Variants in CNTN5 observed in about 807,000 individuals in gnomAD.
CNTN5 encodes contactin 5.
CNTN5 carries 77 observed loss-of-function variants against 129.1 expected under a neutral mutation model. The ratio of observed to expected loss-of-function variants is 0.60; its 90% confidence interval spans 0.50 to 0.72. The LOEUF is 0.72. Ranked by LOEUF, CNTN5 falls within the 30% of genes least tolerant of loss-of-function variation. CNTN5 has a pLI of 0.00. For missense variants in CNTN5, 1,478 were observed against 1,328.8 expected, an observed-to-expected ratio of 1.11 and a Z score of -1.75; for synonymous variants, 509 against 465.6, an observed-to-expected ratio of 1.09 and a Z score of -1.20.
chr11:99,040,674 C>T (rs926219445), intron 1 of CNTN5, among the ~76,000 whole-genome samples: 1 of 152,124 alleles, frequency 6.6e-6, no homozygotes, highest in Non-Finnish European at 1.5e-5. Flanking sequence ...GGCAAGCTGA[C>T]ATCTGATGAC....
rs116371967 is a variant in CNTN5, at chr11:99,495,646, C to T, written c.-70-60499C>T. ...ATCATGCGATGAAGATTGCATTCTT[C>T]CCTGAATGTAATGAAGGCTTTCTGG... On this transcript the variant is annotated intron_variant, in intron 2 of 24. Transcript: ENST00000524871. Among the ~76,000 whole-genome samples, 506 of 152,248 alleles carry T rather than the reference C, an allele frequency of 3.3e-3. 7 individuals are homozygous for T. The highest frequency in any genetic ancestry group is 0.012 in the African/African-American group (487 of 41,544).
intron 2 of CNTN5, among the ~76,000 whole-genome samples, chr11:99,415,505 C>A (rs956291446): frequency 1.3e-5 from 2 of 151,994 alleles, no homozygotes; most frequent in Admixed American, 1.3e-4. Flanking sequence ...TTATTTATGG[C>A]CAGCTGTTAT....
At position 99,073,914 on chromosome 11, in the gene CNTN5, T is replaced by C. The variant is rs180879897; in HGVS notation, c.-210+52644T>C. Among the ~76,000 whole-genome samples the C allele has an allele frequency of 5.9e-5, 9 of 152,148 alleles. No homozygotes were observed. The East Asian group carries it at 1.7e-3, about 29-fold the overall frequency. On this transcript the variant is annotated intron_variant, in intron 1 of 24. Transcript: ENST00000524871. ...TCAGTAATGGGATTGCTGGGTCAAA[T>C]GGTATTTCTGGTTCTAGATCCTTGA...
chr11:99,221,214 T>C (rs576995491), intron 1 of CNTN5, among the ~76,000 whole-genome samples: 53 of 151,948 alleles, frequency 3.5e-4, no homozygotes, highest in Admixed American at 5.9e-4. Context: ...TGAATCACTC[T>C]ATATTTTTTA....
chr11:100,270,864 A>G (rs1343353358), intron 17 of CNTN5, among the ~76,000 whole-genome samples: 1 of 152,226 alleles, frequency 6.6e-6, no homozygotes. Context: ...TAAAGATAAA[A>G]TGAAAGAGTC....
chr11:99,993,844 A>G (rs148456483), intron 8 of CNTN5, among the ~76,000 whole-genome samples: 1 of 152,292 alleles, frequency 6.6e-6, no homozygotes, highest in South Asian at 2.1e-4. Flanking sequence ...AAATGGCAAG[A>G]TGTCTAAAAA....
At chr11:99,616,294 A>G (rs2135746412) in intron 3 of CNTN5, among the ~76,000 whole-genome samples, 1 of 152,300 alleles carries the variant, frequency 6.6e-6, no homozygotes, top group African/African-American at 2.4e-5. Context: ...AAGAATAATA[A>G]TAGTCTAAGC....
At chr11:99,894,394 A>C (rs1377501451) in intron 6 of CNTN5, among the ~76,000 whole-genome samples, 1 of 151,940 alleles carries the variant, frequency 6.6e-6, no homozygotes, top group Admixed American at 6.6e-5. Context: ...TAAATAAACA[A>C]CTGGAGAGTT....
intron 4 of CNTN5, among the ~76,000 whole-genome samples, chr11:99,838,628 T>A (rs1947378920): frequency 6.6e-6 from 1 of 152,198 alleles, no homozygotes; most frequent in Non-Finnish European, 1.5e-5. Context: ...CCATTCTCAT[T>A]TGAAAACTTT....
chr11:100,025,640 A>C (rs1478811003), intron 9 of CNTN5, among the ~76,000 whole-genome samples: 1 of 152,204 alleles, frequency 6.6e-6, no homozygotes, highest in African/African-American at 2.4e-5. Flanking sequence ...GAAGCTGCCC[A>C]ACACCATGGG....
intron 1 of CNTN5, among the ~76,000 whole-genome samples, chr11:99,275,341 AATT>A (rs930077140): frequency 6.6e-6 from 1 of 151,490 alleles, no homozygotes; most frequent in Admixed American, 6.6e-5. Context: ...ATGTAAGTAA[AATT>A]ATGATTTTGC....
At chr11:100,226,426 G>T (rs571223566) in intron 16 of CNTN5, among the ~76,000 whole-genome samples, 25 of 152,220 alleles carry the variant, frequency 1.6e-4, no homozygotes, top group African/African-American at 5.8e-4. Context: ...CTAACATTCT[G>T]CTTTGTAAGT....
chr11:99,106,229 A>G (rs1866987472), intron 1 of CNTN5, among the ~76,000 whole-genome samples: 1 of 152,090 alleles, frequency 6.6e-6, no homozygotes, highest in Non-Finnish European at 1.5e-5. Flanking sequence ...AAATACCCAT[A>G]CAACAAATGG....
chr11:99,168,343 TG>T (rs1347322263), intron 1 of CNTN5, among the ~76,000 whole-genome samples: 1 of 142,028 alleles, frequency 7.0e-6, no homozygotes, highest in Non-Finnish European at 1.5e-5. Flanking sequence ...GCCGGGGGGG[TG>T]GGGGGACGGC....
At chr11:99,785,035 G>A (rs188912866) in intron 3 of CNTN5, among the ~76,000 whole-genome samples, 157 of 131,532 alleles carry the variant, frequency 1.2e-3, no homozygotes, top group African/African-American at 4.0e-3. Flanking sequence ...TCCTGACCTC[G>A]TGATCCGCCT....
intron 1 of CNTN5, among the ~76,000 whole-genome samples, chr11:99,171,905 A>T (rs1389643907): frequency 6.6e-6 from 1 of 152,168 alleles, no homozygotes; most frequent in African/African-American, 2.4e-5. Context: ...CGCGAATTTC[A>T]TTCAGGAGCA....
intron 3 of CNTN5, among the ~76,000 whole-genome samples, chr11:99,682,896 G>T (rs1239455611): frequency 6.6e-6 from 1 of 151,900 alleles, no homozygotes; most frequent in Admixed American, 6.6e-5. Context: ...AAACATTACT[G>T]ATATCTGTGC....
chr11:99,338,552 T>A (rs1260489711), intron 2 of CNTN5, among the ~76,000 whole-genome samples: 2 of 152,102 alleles, frequency 1.3e-5, no homozygotes, highest in African/African-American at 4.8e-5. Flanking sequence ...TTTTTAACAT[T>A]CAGTGAGAAC....
intron 2 of CNTN5, among the ~76,000 whole-genome samples, chr11:99,523,663 T>TCAGAACAGAA (rs143876090): frequency 5.6e-4 from 74 of 132,740 alleles, no homozygotes; most frequent in African/African-American, 1.8e-3. Context: ...ACAGAACAGA[T>TCAGAACAGAA]CAGAACAGAA....
Sources: allele counts gnomAD v4.1 joint callset (sites outside exome capture counted in the v4.1 genomes callset), GRCh38; gene constraint gnomAD v4.1.1; transcripts MANE v1.5; gene names NCBI Gene and HGNC (gene_info 2026-07-23, HGNC 2026-07-21).